The following CTNNB1 variants were observed in gnomAD, a reference collection of about 807,000 sequenced individuals.
The protein encoded by CTNNB1 is catenin beta 1.
In CTNNB1, 6 loss-of-function variants were observed where a neutral mutation model predicts 82.5. The observed-to-expected ratio is 0.07, with a 90% CI of 0.04 to 0.14. The LOEUF (loss-of-function observed/expected upper bound fraction) is 0.14, where lower values mean the gene tolerates loss of function less well. Ranked by LOEUF, CTNNB1 falls within the 10% of genes least tolerant of loss-of-function variation. The pLI is 1.00. For synonymous variants in CTNNB1, 312 were observed against 329.7 expected (o/e 0.95, Z 0.58); for missense variants, 529 against 980.4 (o/e 0.54, Z 6.15).
At chr3:41,232,683 TTTGTAGTCAGTGAATTGTA>T (rs2125636425) in intron 7 of CTNNB1, among the ~76,000 whole-genome samples, 1 of 152,190 alleles carries the variant, frequency 6.6e-6, no homozygotes, top group South Asian at 2.1e-4. Context: ...GAACACATGT[TTTGTAGTCAGTGAATTGTA>T]TAAAGTCCCT....
chr3:41,202,433 T>C (rs1046231371), intron 1 of CTNNB1, among the ~76,000 whole-genome samples: 1 of 152,248 alleles, frequency 6.6e-6, no homozygotes, highest in African/African-American at 2.4e-5. Flanking sequence ...TTTGTGACAT[T>C]GTTTTTGAAA....
chr3:41,206,313 G>A (rs2077648060), intron 1 of CTNNB1, among the ~76,000 whole-genome samples: 1 of 152,162 alleles, frequency 6.6e-6, no homozygotes, highest in Non-Finnish European at 1.5e-5. Flanking sequence ...TGGTAGCTGA[G>A]TTGGAAGCCA....
intron 1 of CTNNB1, among the ~76,000 whole-genome samples, chr3:41,214,529 C>T (rs2077870749): frequency 6.6e-6 from 1 of 151,982 alleles, no homozygotes; most frequent in Non-Finnish European, 1.5e-5. Context: ...TGATTTGGTC[C>T]AGCTTCTTGT....
rs74494989 is a variant in CTNNB1 at position 41,232,569 on chromosome 3, G to A, written c.1082-772G>A. 8.1e-4 allele frequency among the ~76,000 whole-genome samples: 123 copies of A among 151,964 alleles called. No homozygotes were observed. In the East Asian group the frequency reaches 0.015, roughly 19 times the overall value. ...TGATTTAAGTTGAAGATGGATGAGC[G>A]AAGTTAATCTACTATGTGGGCATTG... On this transcript the variant is annotated intron_variant, in intron 7 of 14. Coordinates refer to ENST00000349496, the MANE Select transcript of CTNNB1 (RefSeq NM_001904.4).
At chr3:41,224,258 C>A (rs1448186865) in intron 2 of CTNNB1, 177 bp downstream of exon 2, 29 of 815,906 alleles carry the variant, frequency 3.6e-5, no homozygotes, top group Non-Finnish European at 5.6e-5. Context: ...AAGCCACCAG[C>A]AGGAATCTAG....
rs116306022 is a variant in CTNNB1 at position 41,223,742 on chromosome 3, C to T, written c.-48-279C>T. Among the ~76,000 whole-genome samples the T allele has an allele frequency of 3.1e-3, 468 of 152,192 alleles. 2 individuals carry two copies. Among genetic ancestry groups the T allele is most frequent in the African/African-American group, 0.011 (446 of 41,546 alleles). ...TGGCTTTTATTATTACAACTCTGTGCTTTTTCATCACCATCCTGAATATCT... is the reference window on the plus strand; with the variant it reads ...TGGCTTTTATTATTACAACTCTGTGTTTTTTCATCACCATCCTGAATATCT... On this transcript the variant is annotated intron_variant, in intron 1 of 14. Transcript: ENST00000349496.
At chr3:41,238,899 G>T (rs541572828) in intron 14 of CTNNB1, among the ~76,000 whole-genome samples, 1 of 152,318 alleles carries the variant, frequency 6.6e-6, no homozygotes, top group Non-Finnish European at 1.5e-5. Context: ...CCCTGCTGGT[G>T]TGCCTGTCTG....
chr3:41,229,820 T>G (rs2078263566), intron 7 of CTNNB1, among the ~76,000 whole-genome samples: 1 of 152,080 alleles, frequency 6.6e-6, no homozygotes, highest in Admixed American at 6.6e-5. Context: ...TTGTATATTG[T>G]GTATGTTGGC....
chr3:41,237,104 TCAG>T (rs767973785), intron 13 of CTNNB1: 9 of 323,504 alleles, frequency 2.8e-5, no homozygotes, highest in Non-Finnish European at 4.6e-5. Flanking sequence ...GAATTTTTCT[TCAG>T]CATTTGTCCT....
rs2078439629 is a variant in CTNNB1, at chr3:41,236,563, GGGCCTT to G, written c.1955-24_1955-19del. 1 of 1,614,040 alleles carries G rather than the reference GGGCCTT, an allele frequency of 6.2e-7. No homozygotes were observed. Among genetic ancestry groups the G allele is most frequent in the South Asian group, 1.1e-5 (1 of 91,086 alleles). ...CATTGAAGTCTCAGTTTTTCCTCAA[GGGCCTT>G]TTTCTCCTTGTCTCTTAGCGACATA... On this transcript the variant is annotated intron_variant, in intron 12 of 14. Coordinates refer to ENST00000349496, the MANE Select transcript of CTNNB1 (RefSeq NM_001904.4).
chr3:41,209,096 C>T (rs2077717406), intron 1 of CTNNB1, among the ~76,000 whole-genome samples: 1 of 152,168 alleles, frequency 6.6e-6, no homozygotes, highest in Non-Finnish European at 1.5e-5. Flanking sequence ...CATTGGTTTC[C>T]AGGCCACCAT....
chr3:41,205,462 G>C (rs946775250), intron 1 of CTNNB1, among the ~76,000 whole-genome samples: 2 of 152,092 alleles, frequency 1.3e-5, no homozygotes, highest in Non-Finnish European at 2.9e-5. Flanking sequence ...TGGGAGGCTG[G>C]GGAGGGTGGA....
intron 2 of CTNNB1, 41 bp downstream of exon 2, chr3:41,224,122 G>A (rs775945275): frequency 6.2e-7 from 1 of 1,612,278 alleles, no homozygotes; most frequent in Non-Finnish European, 8.5e-7. Context: ...TTGGGGCTCT[G>A]CTTCGTTGCC....
chr3:41,238,201 G>C (rs1339947931), intron 14 of CTNNB1, 125 bp downstream of exon 14: 2 of 839,928 alleles, frequency 2.4e-6, no homozygotes, highest in Non-Finnish European at 4.1e-6. Flanking sequence ...TCAATTAAAA[G>C]CAGTTCTTAA....
chr3:41,234,978 C>T (rs1363934764), intron 10 of CTNNB1: 1 of 154,660 alleles, frequency 6.5e-6, no homozygotes, highest in Non-Finnish European at 1.4e-5. Flanking sequence ...CATATTGGGG[C>T]TTTGGCTTTC....
At position 41,210,298 on chromosome 3, in the gene CTNNB1, C is replaced by T. The variant is rs2077749319; in HGVS notation, c.-49+10628C>T. Among the ~76,000 whole-genome samples the T allele has an allele frequency of 2.0e-5, 3 of 152,006 alleles. No individual in the cohort carries two copies. The East Asian group carries it at 5.8e-4, about 29-fold the overall frequency. ...TGAAACCCCGTCTCTACTAAAAATA[C>T]AAAAAATTAGCCGGGCGTGGTGGCG... On this transcript the variant is annotated intron_variant, in intron 1 of 14. Transcript: ENST00000349496.
rs757499487 is a variant in CTNNB1 at position 41,225,516 on chromosome 3, G to C, written c.678G>C (p.Glu226Asp). 1 of 1,614,100 alleles carries C rather than the reference G, an allele frequency of 6.2e-7. No individual in the cohort carries two copies. The highest frequency in any genetic ancestry group is 1.7e-5 in the Admixed American group (1 of 59,966). The change falls in exon 5 of 15, where the codon GAG becomes GAC. Residue 226 changes from glutamate to aspartate, a missense_variant. By Grantham distance (45) the Glu-to-Asp change is conservative (BLOSUM62 2). This residue lies in a region of CTNNB1 where 411 missense variants were observed against 776.4 expected (regional missense o/e 0.53). Coordinates refer to ENST00000349496, the MANE Select transcript of CTNNB1 (RefSeq NM_001904.4). This position sits in a 1 kb window ranked among gnomAD's most constrained non-coding sequence, Gnocchi z 5.3. ...TGCATAACCTTTCCCATCATCGTGA[G>C]GGCTTACTGGCCATCTTTAAGTCTG... is the stretch of plus-strand genomic sequence containing the variant. ...GTLHNLSHHREGLLAIFKSGG... is the reference protein window; with the variant it reads ...GTLHNLSHHRDGLLAIFKSGG...
chr3:41,201,806 T>C (rs914082976), intron 1 of CTNNB1, among the ~76,000 whole-genome samples: 1 of 152,154 alleles, frequency 6.6e-6, no homozygotes, highest in Non-Finnish European at 1.5e-5. Flanking sequence ...TTATTTCTTT[T>C]ACCAACATGA....
intron 3 of CTNNB1, 77 bp from the exon 4 acceptor site, chr3:41,224,877 C>G: frequency 6.2e-7 from 1 of 1,609,952 alleles, no homozygotes; most frequent in Admixed American, 1.7e-5. Context: ...AGCAATGTCA[C>G]TTTTACCATT....
Sources: allele counts gnomAD v4.1 joint callset (sites outside exome capture counted in the v4.1 genomes callset), GRCh38; gene constraint gnomAD v4.1.1; regional missense constraint gnomAD v4.1.1; non-coding constraint Gnocchi (gnomAD v3.1); transcripts MANE v1.5; gene names NCBI Gene and HGNC (gene_info 2026-07-23, HGNC 2026-07-21).